Variants in ATP6V0A2 observed in about 807,000 individuals in gnomAD.
ATP6V0A2 encodes ATPase H+ transporting V0 subunit a2, also known as V-type proton ATPase 116 kDa subunit a 2.
A neutral mutation model predicts 104.4 loss-of-function variants in ATP6V0A2; 58 were observed. That is an observed-to-expected ratio of 0.56 (90% CI 0.45 to 0.69). ATP6V0A2 has a LOEUF of 0.69. Ranked by LOEUF, ATP6V0A2 falls within the 30% of genes least tolerant of loss-of-function variation. The pLI is 0.00. For missense variants in ATP6V0A2, 938 were observed against 1,062.9 expected, an observed-to-expected ratio of 0.88 and a Z score of 1.63; for synonymous variants, 376 against 397.9, an observed-to-expected ratio of 0.95 and a Z score of 0.65.
chr12:123,747,570 T>G, intron 13 of ATP6V0A2, 37 bp from the exon 14 acceptor site: 1 of 1,393,630 alleles, frequency 7.2e-7, no homozygotes, highest in African/African-American at 1.4e-5. Flanking sequence ...TGAAGGAAGT[T>G]AAAGATTCTG....
intron 9 of ATP6V0A2, among the ~76,000 whole-genome samples, chr12:123,740,780 C>G (rs1300999270): frequency 6.6e-6 from 1 of 152,168 alleles, no homozygotes; most frequent in Non-Finnish European, 1.5e-5. Context: ...TTCGCGCCTT[C>G]TGTTTCTCTT....
rs1023235010 is a variant in ATP6V0A2, at chr12:123,758,587, C to T, written c.*555C>T. 2 of 150,700 alleles carry T rather than the reference C, an allele frequency of 1.3e-5. No homozygotes were observed. The highest frequency in any genetic ancestry group is 2.1e-4 in the South Asian group (1 of 4,772). 9.3% of individuals were successfully genotyped at this position (150,700 alleles called of 1,614,324 possible). Reference sequence around the variant, plus strand: ...GTAGGCTGGAGTGCAATGGCACGATCGTGTCTCATTGCAACTTCCGCCTCC... The same window carrying T: ...GTAGGCTGGAGTGCAATGGCACGATTGTGTCTCATTGCAACTTCCGCCTCC... On this transcript the variant is annotated 3_prime_UTR_variant, in exon 20 of 20. Coordinates refer to ENST00000330342, the MANE Select transcript of ATP6V0A2 (RefSeq NM_012463.4).
chr12:123,751,295 G>T, intron 16 of ATP6V0A2, 66 bp downstream of exon 16: 2 of 1,612,304 alleles, frequency 1.2e-6, no homozygotes, highest in Admixed American at 1.7e-5. Flanking sequence ...ACAAGGATTG[G>T]TGTAGAAAAC....
intron 6 of ATP6V0A2, chr12:123,732,680 T>C (rs1309809315): frequency 6.6e-6 from 1 of 151,692 alleles, no homozygotes; most frequent in Non-Finnish European, 1.5e-5. Context: ...TGCACGTCTT[T>C]ATGCTCAGAT....
chr12:123,739,011 G>C (rs2135903966), intron 9 of ATP6V0A2: 1 of 152,334 alleles, frequency 6.6e-6, no homozygotes, highest in East Asian at 1.9e-4. Context: ...TTCTTTTACT[G>C]AGGTGACATC....
chr12:123,744,586 G>A lies in ATP6V0A2; in HGVS notation c.1327-11G>A, dbSNP rs1289491259. The A allele has an allele frequency of 6.2e-7, 1 of 1,612,556 alleles. No homozygotes were observed. Among genetic ancestry groups the A allele is most frequent in the Non-Finnish European group, 8.5e-7 (1 of 1,180,008 alleles). On this transcript the variant is annotated splice_polypyrimidine_tract_variant and intron_variant, in intron 11 of 19. Transcript: ENST00000330342. The surrounding 1 kb of genome is among the most constrained non-coding windows in gnomAD (Gnocchi z 5.4). ...AGTAACCATATTCTGCCCCCGCCTT[G>A]CCCTTCACAGATCATGAGGATGTTT...
rs557346186 is a variant in ATP6V0A2, at chr12:123,759,690, A to C, written c.*1658A>C. 2.6e-5 allele frequency: 4 copies of C among 152,270 alleles called. No homozygotes were observed. The East Asian group carries it at 7.7e-4, about 29-fold the overall frequency. 9.4% of individuals were successfully genotyped at this position (152,270 alleles called of 1,614,324 possible). On this transcript the variant is annotated 3_prime_UTR_variant, in exon 20 of 20. Transcript: ENST00000330342. ...CTTGGCACTTCTGTTACAAGCTGAGAGTCTGGAGGTGCTGAGTTTAACGTG... is the reference window on the plus strand; with the variant it reads ...CTTGGCACTTCTGTTACAAGCTGAGCGTCTGGAGGTGCTGAGTTTAACGTG...
At chr12:123,712,885 G>A (rs1385556772) in intron 1 of ATP6V0A2, among the ~76,000 whole-genome samples, 1 of 152,176 alleles carries the variant, frequency 6.6e-6, no homozygotes, top group Non-Finnish European at 1.5e-5. Flanking sequence ...CCGTCTGTGT[G>A]GTCGGCGGCT....
In ATP6V0A2 at chr12:123,744,346, A is replaced by G. The variant is rs761132677; in HGVS notation, c.1326+9A>G. 3.7e-6 allele frequency: 6 copies of G among 1,614,238 alleles called. 1 individual carries two copies. In the South Asian group the frequency reaches 6.6e-5, roughly 18 times the overall value. Reference sequence around the variant, plus strand: ...TAAATCAGTCACAAGAGGTAAAAATATAAACACTCCAGCTCATATATCTGG... The same window carrying G: ...TAAATCAGTCACAAGAGGTAAAAATGTAAACACTCCAGCTCATATATCTGG... On this transcript the variant is annotated intron_variant, in intron 11 of 19. Coordinates refer to ENST00000330342, the MANE Select transcript of ATP6V0A2 (RefSeq NM_012463.4). The surrounding 1 kb of genome is among the most constrained non-coding windows in gnomAD (Gnocchi z 5.4).
Position 123,758,321 on chromosome 12 carries a change from C to A in ATP6V0A2, c.*289C>A. The A allele has an allele frequency of 3.9e-6, 1 of 255,084 alleles. No homozygotes were observed. Among genetic ancestry groups the A allele is most frequent in the Non-Finnish European group, 7.5e-6 (1 of 134,162 alleles). The allele number at this position is 255,084 out of a possible 1,614,324, so 15.8% of individuals were successfully genotyped here. ...CAAATACAGGATTTGGGGAGAGAAG[C>A]CAATTTTGCATGGCTAGTTGAAAAT... On this transcript the variant is annotated 3_prime_UTR_variant, in exon 20 of 20. Coordinates refer to ENST00000330342, the MANE Select transcript of ATP6V0A2 (RefSeq NM_012463.4).
intron 9 of ATP6V0A2, among the ~76,000 whole-genome samples, chr12:123,740,270 C>A (rs188156238): frequency 5.3e-4 from 80 of 150,700 alleles, no homozygotes; most frequent in African/African-American, 1.9e-3. Context: ...TGGCATGATA[C>A]TGGCTCACTG....
In ATP6V0A2 at chr12:123,752,338, G is replaced by A. The variant is rs771460920; in HGVS notation, c.2111G>A (p.Ser704Asn). The change falls in exon 17 of 20, where the codon AGC becomes AAC. Residue 704 changes from serine (S) to asparagine (N), a missense_variant. Transcript: ENST00000330342. Reference protein sequence around the residue: ...DSEEEVSLLGSQDIEEGNHQV... With the variant: ...DSEEEVSLLGNQDIEEGNHQV... Reference sequence around the variant, plus strand: ...GAGGAAGAAGTTTCATTGCTGGGAAGCCAAGATATAGAAGAGGGAAATCAC... The same window carrying A: ...GAGGAAGAAGTTTCATTGCTGGGAAACCAAGATATAGAAGAGGGAAATCAC... The A allele has an allele frequency of 1.2e-6, 2 of 1,614,028 alleles. No homozygotes were observed. Among genetic ancestry groups the A allele is most frequent in the Admixed American group, 1.7e-5 (1 of 60,006 alleles).
In ATP6V0A2 at chr12:123,733,533, C is replaced by T. The variant is rs1956523805; in HGVS notation, c.649-393C>T. The T allele has an allele frequency of 1.1e-5, 3 of 263,268 alleles. 1 individual carries two copies. In the South Asian group the frequency reaches 1.4e-4, roughly 12 times the overall value. The allele number at this position is 263,268 out of a possible 1,614,324, so 16.3% of individuals were successfully genotyped here. On this transcript the variant is annotated intron_variant, in intron 6 of 19. Transcript: ENST00000330342. Reference sequence around the variant, plus strand: ...CAGGACACCAGACTGCACCTCAGCCCTACACTCGGGGCTGTTTATACCGTG... The same window carrying T: ...CAGGACACCAGACTGCACCTCAGCCTTACACTCGGGGCTGTTTATACCGTG...
intron 3 of ATP6V0A2, chr12:123,724,072 T>C (rs1176276498): frequency 1.3e-5 from 2 of 152,046 alleles, no homozygotes; most frequent in Non-Finnish European, 2.9e-5. Flanking sequence ...TGAATTAATA[T>C]GAAACAATAA....
chr12:123,735,142 CGT>C (rs56266144), intron 7 of ATP6V0A2, among the ~76,000 whole-genome samples: 35 of 148,450 alleles, frequency 2.4e-4, no homozygotes, highest in South Asian at 6.5e-4. Context: ...CTTTTGTTTT[CGT>C]GTGTGTGTGT....
rs778282853 is a variant in ATP6V0A2 at position 123,747,745 on chromosome 12, T to A, written c.1724+20T>A. The A allele has an allele frequency of 2.6e-5, 39 of 1,498,480 alleles. No individual in the cohort carries two copies. The highest frequency in any genetic ancestry group is 3.3e-5 in the Non-Finnish European group (36 of 1,075,864). 92.8% of individuals were successfully genotyped at this position (1,498,480 alleles called of 1,614,324 possible). On this transcript the variant is annotated intron_variant, in intron 14 of 19. Coordinates refer to ENST00000330342, the MANE Select transcript of ATP6V0A2 (RefSeq NM_012463.4). ...CCACTTGTAAGTACAGATTTTTTTTTAAGCAATATTTATAAACCAAACTTG... is the reference window on the plus strand; with the variant it reads ...CCACTTGTAAGTACAGATTTTTTTTAAAGCAATATTTATAAACCAAACTTG...
chr12:123,724,574 T>A, intron 3 of ATP6V0A2, 80 bp from the exon 4 acceptor site: 1 of 1,476,376 alleles, frequency 6.8e-7, no homozygotes, highest in South Asian at 1.2e-5. Flanking sequence ...CCCACTGTTT[T>A]TGGTATACTG....
chr12:123,720,976 C>CT (rs1353303867), intron 2 of ATP6V0A2, among the ~76,000 whole-genome samples: 1 of 152,062 alleles, frequency 6.6e-6, no homozygotes, highest in African/African-American at 2.4e-5. Context: ...AAGACAGTTT[C>CT]TTTTCTTTTT....
chr12:123,718,435 G>A (rs560927167), intron 1 of ATP6V0A2, among the ~76,000 whole-genome samples, 188 bp from the exon 2 acceptor site: 4 of 152,156 alleles, frequency 2.6e-5, no homozygotes, highest in South Asian at 4.1e-4. Flanking sequence ...GTGTTGGCCC[G>A]GCTGGATTTT....
Sources: gnomAD v4.1 joint callset for allele counts (sites outside exome capture counted in the v4.1 genomes callset) on GRCh38, gnomAD v4.1.1 for gene constraint, Gnocchi (gnomAD v3.1) non-coding constraint, MANE v1.5 for transcripts, NCBI Gene and HGNC (gene_info 2026-07-23, HGNC 2026-07-21) for gene names.